The following KIFC3 variants were observed in gnomAD, a reference collection of about 807,000 sequenced individuals.
The protein encoded by KIFC3 is kinesin family member C3.
In KIFC3, 60 loss-of-function variants were observed where a neutral mutation model predicts 101.8. That is an observed-to-expected ratio of 0.59 (90% CI 0.48 to 0.73). KIFC3 has a LOEUF of 0.73. Among genes scored for constraint, KIFC3 ranks in the 30% least tolerant of loss-of-function variants. The pLI, the probability that KIFC3 is intolerant of heterozygous loss-of-function variation, is 0.00. For synonymous variants in KIFC3, 476 were observed against 482.7 expected, an observed-to-expected ratio of 0.99 and a Z score of 0.18; for missense variants, 966 against 1,137.1, an observed-to-expected ratio of 0.85 and a Z score of 2.16.
At chr16:57,801,997 T>A (rs2054756535) in intron 1 of KIFC3, among the ~76,000 whole-genome samples, 1 of 152,194 alleles carries the variant, frequency 6.6e-6, no homozygotes, top group East Asian at 1.9e-4. Flanking sequence ...AAAGGCAGCC[T>A]TCCAGGGAGC....
rs1425127210 is a variant in KIFC3, at chr16:57,769,453, CAGTA to C, written c.1218+138_1218+141del. On this transcript the variant is annotated intron_variant, in intron 9 of 19. Transcript: ENST00000445690. This position sits in a 1 kb window ranked among gnomAD's most constrained non-coding sequence, Gnocchi z 4.3. ...TTTCAAACAGGGCCTATAAGGGCAG[CAGTA>C]AGTGTCATGGGGGGTGGGGCAGGGG... is the stretch of plus-strand genomic sequence containing the variant. 8 of 996,704 alleles carry C rather than the reference CAGTA, an allele frequency of 8.0e-6. No individual in the cohort carries two copies. In the Admixed American group the frequency reaches 1.9e-4, roughly 24 times the overall value. 61.7% of individuals were successfully genotyped at this position (996,704 alleles called of 1,614,324 possible). A position where few individuals can be genotyped will look rare whatever the true frequency, so the allele number is the denominator to read the frequency against.
chr16:57,766,725 G>C (rs2050527035), intron 10 of KIFC3, 149 bp downstream of exon 10: 1 of 599,934 alleles, frequency 1.7e-6, no homozygotes, highest in Non-Finnish European at 3.0e-6. Flanking sequence ...CTTTGAGCAA[G>C]TTCCCTGCCT....
At position 57,761,490 on chromosome 16, in the gene KIFC3, A is replaced by G. The variant is rs2049851966; in HGVS notation, c.1795T>C (p.Cys599Arg). ...TACAGCTGCCCACTGCCGTCTGGGC[A>G]CAGCCGGATCTCCAGTTTTTCCTGA... The part of the protein sequence containing the change: ...EPQEKLEIRL[C>R]PDGSGQLYVP... The change falls in exon 14 of 20, where the codon TGC becomes CGC. Residue 599 changes from cysteine (C) to arginine (R), a missense_variant. Cys to Arg is a radical substitution (Grantham distance 180). This residue lies in a region of KIFC3 where 689 missense variants were observed against 884.6 expected (regional missense o/e 0.78). Coordinates refer to ENST00000445690, the MANE Select transcript of KIFC3 (RefSeq NM_001130100.2). 6.2e-7 allele frequency: 1 copy of G among 1,613,776 alleles called. No individual in the cohort carries two copies. The highest frequency in any genetic ancestry group is 1.7e-5 in the Admixed American group (1 of 59,994).
At chr16:57,785,538 G>GA (rs2053232257) in intron 3 of KIFC3, 2 of 1,289,284 alleles carry the variant, frequency 1.6e-6, no homozygotes, top group Non-Finnish European at 2.0e-6. Flanking sequence ...AGGACCACCA[G>GA]CTCCTCCTGT....
chr16:57,759,102 T>A, intron 19 of KIFC3, 23 bp downstream of exon 19: 1 of 1,550,296 alleles, frequency 6.5e-7, no homozygotes, highest in Non-Finnish European at 8.7e-7. Flanking sequence ...CGGGCAGCCC[T>A]GGGCCACAGG....
intron 1 of KIFC3, among the ~76,000 whole-genome samples, chr16:57,861,991 A>G (rs1959307903): frequency 6.6e-6 from 1 of 152,090 alleles, no homozygotes; most frequent in Non-Finnish European, 1.5e-5. Context: ...AACAGGTAAA[A>G]TATTTTCAAG....
chr16:57,803,473 G>A, upstream of KIFC3: 1 of 453,922 alleles, frequency 2.2e-6, no homozygotes, highest in Admixed American at 2.4e-5. Flanking sequence ...CAGGAGGGCG[G>A]GTACTCTGTC....
At chr16:57,802,759 C>G, upstream of KIFC3, 3 of 746,444 alleles carry the variant, frequency 4.0e-6, no homozygotes, top group Non-Finnish European at 4.4e-6. The surrounding 1 kb of genome is among the most constrained non-coding windows in gnomAD (Gnocchi z 5.0). Flanking sequence ...CCTGAAGGCT[C>G]TCACAAAACA....
At chr16:57,761,597 A>ACCCAGCCC in intron 13 of KIFC3, 61 bp from the exon 14 acceptor site, 2 of 1,574,904 alleles carry the variant, frequency 1.3e-6, no homozygotes, top group Non-Finnish European at 1.7e-6. Context: ...TTTGCACTGC[A>ACCCAGCCC]CCCAGCCCCC....
At position 57,769,043 on chromosome 16, in the gene KIFC3, T is replaced by G. The variant is rs1555605133; in HGVS notation, c.1218+552A>C. 6.6e-6 allele frequency among the ~76,000 whole-genome samples: 1 copy of G among 152,186 alleles called. No individual in the cohort carries two copies. The highest frequency in any genetic ancestry group is 1.5e-5 in the Non-Finnish European group (1 of 68,042). On this transcript the variant is annotated intron_variant, in intron 9 of 19. Transcript: ENST00000445690. This position sits in a 1 kb window ranked among gnomAD's most constrained non-coding sequence, Gnocchi z 4.3. Reference sequence around the variant, plus strand: ...AAAAATACGTATGTAGCATGTTTTTTGTTTGTTTTTGAGATAAAGTCTCGC... The same window carrying G: ...AAAAATACGTATGTAGCATGTTTTTGGTTTGTTTTTGAGATAAAGTCTCGC...
At chr16:57,759,605 T>G in intron 18 of KIFC3, 123 bp downstream of exon 18, 1 of 707,244 alleles carries the variant, frequency 1.4e-6, no homozygotes, top group East Asian at 2.8e-5. Context: ...GTAAAACAGG[T>G]TCTGGAGAAG....
chr16:57,795,904 T>G lies in KIFC3; in HGVS notation c.173-763A>C, dbSNP rs1188746362. Among the ~76,000 whole-genome samples the G allele has an allele frequency of 9.5e-5, 14 of 147,596 alleles. No individual in the cohort carries two copies. The South Asian group carries it at 2.2e-3, about 23-fold the overall frequency. ...TTTTTGTTTTTTTTTTTTTTTTTTT[T>G]TTTTTTTGAGACAGGGCCTCTCTCT... On this transcript the variant is annotated intron_variant, in intron 2 of 19. Transcript: ENST00000445690.
rs141109331 is a variant in KIFC3 at position 57,837,554 on chromosome 16, GAAGAAAGA to G, written c.108+25167_108+25174del. ...AAGAAAGAAAGAGAAAGGAAGGAAG[GAAGAAAGA>G]AAGAAAGAAAGAAAGAAAGAGTAGC... On this transcript the variant is annotated intron_variant, in intron 1 of 2. Transcript: ENST00000563028. Among the ~76,000 whole-genome samples the G allele has an allele frequency of 4.6e-3, 457 of 100,016 alleles. 2 individuals are homozygous for G. Among genetic ancestry groups the G allele is most frequent in the African/African-American group, 0.015 (431 of 29,576 alleles). 65.6% of individuals were successfully genotyped at this position (100,016 alleles called of 152,430 possible).
At chr16:57,845,447 C>G (rs1041958327) in intron 1 of KIFC3, among the ~76,000 whole-genome samples, 1 of 152,172 alleles carries the variant, frequency 6.6e-6, no homozygotes, top group Admixed American at 6.6e-5. Flanking sequence ...AAGTGAAAAC[C>G]AAGGTTCTGC....
In KIFC3 at chr16:57,759,156, G is replaced by A. The variant is rs1236044088; in HGVS notation, c.2477-3C>T. On this transcript the variant is annotated splice_region_variant and splice_polypyrimidine_tract_variant and intron_variant, in intron 18 of 19. Coordinates refer to ENST00000445690, the MANE Select transcript of KIFC3 (RefSeq NM_001130100.2). ...ACTCTGCAGCCCCAGCCGTCAGGCT[G>A]AAATCAAAGTGACAGGCGTCTCACT... The A allele has an allele frequency of 1.0e-5, 16 of 1,550,838 alleles. No homozygotes were observed. Among genetic ancestry groups the A allele is most frequent in the Middle Eastern group, 3.3e-4 (2 of 6,014 alleles).
chr16:57,835,865 G>A (rs782029074), intron 1 of KIFC3, among the ~76,000 whole-genome samples: 1 of 152,178 alleles, frequency 6.6e-6, no homozygotes, highest in Non-Finnish European at 1.5e-5. Flanking sequence ...CGTGAAAATG[G>A]CTTGAACCCA....
intron 3 of KIFC3, among the ~76,000 whole-genome samples, chr16:57,789,646 G>C (rs1555619369): frequency 1.3e-5 from 2 of 152,216 alleles, no homozygotes; most frequent in Admixed American, 6.5e-5. Flanking sequence ...GAGGGGAAAG[G>C]AGGTGGCCTT....
At chr16:57,763,498 G>A (rs2050104204) in intron 12 of KIFC3, among the ~76,000 whole-genome samples, 1 of 152,096 alleles carries the variant, frequency 6.6e-6, no homozygotes, top group Non-Finnish European at 1.5e-5. Flanking sequence ...CCTGACCTAG[G>A]GAATCAATCC....
intron 1 of KIFC3, among the ~76,000 whole-genome samples, chr16:57,855,801 C>T (rs1392551752): frequency 6.6e-6 from 1 of 151,660 alleles, no homozygotes; most frequent in Non-Finnish European, 1.5e-5. Flanking sequence ...CAAAAATTAG[C>T]TCAGCGTGGT....
Sources: gnomAD v4.1 joint callset for allele counts (sites outside exome capture counted in the v4.1 genomes callset) on GRCh38, gnomAD v4.1.1 for gene constraint, gnomAD v4.1.1 regional missense constraint, Gnocchi (gnomAD v3.1) non-coding constraint, MANE v1.5 for transcripts, NCBI Gene and HGNC (gene_info 2026-07-23, HGNC 2026-07-21) for gene names.